RNF216: variants seen among roughly 807,000 people sequenced by gnomAD.
RNF216 encodes the protein ring finger protein 216.
In RNF216, 72 loss-of-function variants were observed where a neutral mutation model predicts 110.8. The ratio of observed to expected loss-of-function variants is 0.65; its 90% confidence interval spans 0.54 to 0.79. The LOEUF is 0.79. RNF216 is among the 30% of genes least tolerant of loss of function. The pLI, the probability that RNF216 is intolerant of heterozygous loss-of-function variation, is 0.00. For missense variants in RNF216, 1,342 were observed against 1,141.2 expected (o/e 1.18, Z -2.54); for synonymous variants, 495 against 407.5 (o/e 1.21, Z -2.59).
At chr7:5,745,795 G>A (rs1036567519) in intron 3 of RNF216, among the ~76,000 whole-genome samples, 12 of 151,728 alleles carry the variant, frequency 7.9e-5, no homozygotes, top group South Asian at 2.1e-4. Context: ...AGCTACTCTC[G>A]GGAGGCTGAG....
At position 5,740,272 on chromosome 7, in the gene RNF216, G is replaced by A. The variant is rs1218120831; in HGVS notation, c.1044+701C>T. 9.2e-5 allele frequency among the ~76,000 whole-genome samples: 14 copies of A among 151,768 alleles called. No individual in the cohort carries two copies. The East Asian group carries it at 9.9e-4, about 11-fold the overall frequency. ...CTCCCAAGAAGTTGGGACTACAGGC[G>A]CCCGCCACCACGCCCGGCTAATTTT... On this transcript the variant is annotated intron_variant, in intron 4 of 16. Transcript: ENST00000389902.
chr7:5,747,453 A>T (rs549451436), intron 3 of RNF216, among the ~76,000 whole-genome samples: 1 of 152,382 alleles, frequency 6.6e-6, no homozygotes, highest in Non-Finnish European at 1.5e-5. Flanking sequence ...CTTATGGGCC[A>T]GGCAAAGCCT....
intron 13 of RNF216, among the ~76,000 whole-genome samples, chr7:5,701,261 G>T (rs925313217): frequency 3.3e-5 from 5 of 152,230 alleles, no homozygotes; most frequent in African/African-American, 4.8e-5. Context: ...TTACATGGCA[G>T]AACACTGGGG....
At chr7:5,777,169 G>C (rs1352206535) in intron 1 of RNF216, among the ~76,000 whole-genome samples, 3 of 152,156 alleles carry the variant, frequency 2.0e-5, no homozygotes, top group Non-Finnish European at 2.9e-5. Context: ...GAACGAAGAA[G>C]ACATTGTGGA....
At chr7:5,635,350 C>T (rs1423325352) in intron 15 of RNF216, among the ~76,000 whole-genome samples, 4 of 151,486 alleles carry the variant, frequency 2.6e-5, no homozygotes, top group Non-Finnish European at 5.9e-5. Flanking sequence ...AAATAACACG[C>T]CAAAGCCAGC....
rs751970717 is a variant in RNF216 at position 5,641,383 on chromosome 7, T to C, written c.2160-7A>G. ...AGCAGTCATTTTTTCTTCACTGAAA[T>C]AAGAAAACATAATTTGGAGCTGGGA... On this transcript the variant is annotated splice_polypyrimidine_tract_variant and splice_region_variant and intron_variant, in intron 14 of 16. Transcript: ENST00000389902. The C allele has an allele frequency of 1.1e-5, 17 of 1,607,548 alleles. No homozygotes were observed. In the African/African-American group the frequency reaches 2.1e-4, roughly 20 times the overall value.
chr7:5,623,263 G>A, intron 16 of RNF216, 84 bp from the exon 17 acceptor site: 1 of 1,279,946 alleles, frequency 7.8e-7, no homozygotes, highest in South Asian at 1.5e-5. Context: ...AGCGACCTCT[G>A]GACACGGGAG....
At position 5,768,763 on chromosome 7, in the gene RNF216, G is replaced by C. The variant is rs955907990; in HGVS notation, c.-69-7625C>G. Among the ~76,000 whole-genome samples, 8 of 150,690 alleles carry C rather than the reference G, an allele frequency of 5.3e-5. No homozygotes were observed. In the Admixed American group the frequency reaches 5.4e-4, roughly 10 times the overall value. On this transcript the variant is annotated intron_variant, in intron 1 of 16. Transcript: ENST00000389902. ...TGCAAGCTCCGCCTCCCGGGTTTAC[G>C]CCATTCTCCTGCCTCACCCTCCCGA...
chr7:5,769,266 C>T (rs536382975), intron 1 of RNF216, among the ~76,000 whole-genome samples: 167 of 151,758 alleles, frequency 1.1e-3, no homozygotes, highest in African/African-American at 4.0e-3. Flanking sequence ...TACAGGCGTG[C>T]GCCACCACGC....
intron 1 of RNF216, among the ~76,000 whole-genome samples, chr7:5,768,898 T>C (rs536345934): frequency 1.3e-5 from 2 of 152,024 alleles, no homozygotes; most frequent in African/African-American, 4.8e-5. Flanking sequence ...CCTGACCTCG[T>C]GATCCACCCG....
chr7:5,649,207 CAAAGT>C (rs1427632311), intron 14 of RNF216, among the ~76,000 whole-genome samples: 2 of 152,050 alleles, frequency 1.3e-5, no homozygotes, highest in East Asian at 3.9e-4. Context: ...CCACGGCCGA[CAAAGT>C]AAAACCCCAT....
At chr7:5,633,904 T>G (rs1292361206) in intron 15 of RNF216, among the ~76,000 whole-genome samples, 1 of 152,182 alleles carries the variant, frequency 6.6e-6, no homozygotes, top group Non-Finnish European at 1.5e-5. Context: ...CTCCCTTAGC[T>G]TGTCCCTCCA....
chr7:5,715,623 G>A (rs1384631037), intron 10 of RNF216, among the ~76,000 whole-genome samples: 1 of 151,928 alleles, frequency 6.6e-6, no homozygotes, highest in Non-Finnish European at 1.5e-5. Context: ...CGAGGTCTGC[G>A]CTTTATTTTA....
chr7:5,622,596 C>A lies in RNF216; in HGVS notation c.*264G>T. ...GCCATGGACAAGGCAGAAGGACTGC[C>A]GTTGGTGGCCTGGGGGATGCGAGGG... is the stretch of plus-strand genomic sequence containing the variant. On this transcript the variant is annotated 3_prime_UTR_variant, in exon 17 of 17. Coordinates refer to ENST00000389902, the MANE Select transcript of RNF216 (RefSeq NM_207111.4). 1 of 475,276 alleles carries A rather than the reference C, an allele frequency of 2.1e-6. No individual in the cohort carries two copies. Among genetic ancestry groups the A allele is most frequent in the Non-Finnish European group, 3.8e-6 (1 of 266,042 alleles). The allele number at this position is 475,276 out of a possible 1,614,324, so 29.4% of individuals were successfully genotyped here.
At chr7:5,653,016 G>A (rs1486883275) in intron 13 of RNF216, among the ~76,000 whole-genome samples, 3 of 152,154 alleles carry the variant, frequency 2.0e-5, no homozygotes, top group Non-Finnish European at 4.4e-5. Context: ...GCTTGGCAGG[G>A]CCTGTTTGGA....
intron 13 of RNF216, among the ~76,000 whole-genome samples, chr7:5,694,652 A>T (rs1471756048): frequency 6.6e-6 from 1 of 152,210 alleles, no homozygotes; most frequent in Admixed American, 6.5e-5. Context: ...TTGTGGCGCA[A>T]TTTGAGGACC....
intron 14 of RNF216, among the ~76,000 whole-genome samples, chr7:5,645,991 T>G (rs900942834): frequency 6.6e-6 from 1 of 152,202 alleles, no homozygotes; most frequent in Non-Finnish European, 1.5e-5. Flanking sequence ...CTGAGCATAT[T>G]TAAGACAGCT....
intron 13 of RNF216, among the ~76,000 whole-genome samples, chr7:5,706,620 G>T (rs1002171803): frequency 6.6e-6 from 1 of 152,144 alleles, no homozygotes; most frequent in Non-Finnish European, 1.5e-5. Flanking sequence ...ATCTGTTGAC[G>T]AACATGTCAG....
chr7:5,713,999 A>G (rs1176843334), intron 11 of RNF216, among the ~76,000 whole-genome samples: 1 of 152,110 alleles, frequency 6.6e-6, no homozygotes, highest in Non-Finnish European at 1.5e-5. Flanking sequence ...AAAAAACATA[A>G]ACTTTATTTA....
Sources: allele counts gnomAD v4.1 joint callset (sites outside exome capture counted in the v4.1 genomes callset), GRCh38; gene constraint gnomAD v4.1.1; transcripts MANE v1.5; gene names NCBI Gene and HGNC (gene_info 2026-07-23, HGNC 2026-07-21).